The following SAMD5 variants were observed in gnomAD, a reference collection of about 807,000 sequenced individuals.
SAMD5 encodes the protein sterile alpha motif domain containing 5.
SAMD5 carries 13 observed loss-of-function variants against 11.3 expected under a neutral mutation model. The ratio of observed to expected loss-of-function variants is 1.15; its 90% confidence interval spans 0.75 to 1.83. The LOEUF (loss-of-function observed/expected upper bound fraction) is 1.83. SAMD5 is among the 40% of genes most tolerant of loss of function. SAMD5 has a pLI of 0.00. For missense variants in SAMD5, 255 were observed against 239.1 expected (o/e 1.07, Z -0.44); for synonymous variants, 129 against 111.3 (o/e 1.16, Z -1.00).
At chr6:147,627,499 T>C (rs890103573) in intron 1 of SAMD5, among the ~76,000 whole-genome samples, 7 of 152,154 alleles carry the variant, frequency 4.6e-5, no homozygotes, top group African/African-American at 1.4e-4. Flanking sequence ...AGAAGGAATA[T>C]TTCTATTGCA....
chr6:147,653,578 A>G (rs1289444450), intron 1 of SAMD5, among the ~76,000 whole-genome samples: 2 of 152,250 alleles, frequency 1.3e-5, no homozygotes, highest in African/African-American at 4.8e-5. Context: ...AAGATCTGGT[A>G]AAATGGATTC....
intron 1 of SAMD5, among the ~76,000 whole-genome samples, chr6:147,580,541 G>C (rs1789281697): frequency 6.6e-6 from 1 of 152,166 alleles, no homozygotes; most frequent in South Asian, 2.1e-4. Context: ...GTTCTATTCT[G>C]CGCTGGTCAC....
chr6:147,689,300 A>G (rs17200154), intron 1 of SAMD5, among the ~76,000 whole-genome samples: 17,462 of 152,256 alleles, frequency 0.11, 1,102 homozygotes, highest in Middle Eastern at 0.16. Flanking sequence ...ATTTACCATT[A>G]CAGTTATTCT....
At chr6:147,914,581 T>C in the SAMD5 span, among the ~76,000 whole-genome samples, 1 of 152,200 alleles carries the variant, frequency 6.6e-6, no homozygotes, top group African/African-American at 2.4e-5. Context: ...GTCAGCCTTT[T>C]GCAGCCATCA....
At chr6:147,773,809 T>C in the SAMD5 span, among the ~76,000 whole-genome samples, 1 of 152,140 alleles carries the variant, frequency 6.6e-6, no homozygotes, top group East Asian at 1.9e-4. Flanking sequence ...CCCAATGTGT[T>C]CTCAGGTGGT....
chr6:147,613,682 G>C (rs1052756586), intron 1 of SAMD5, among the ~76,000 whole-genome samples: 1 of 151,470 alleles, frequency 6.6e-6, no homozygotes, highest in African/African-American at 2.4e-5. Flanking sequence ...CAGAGAATGA[G>C]ATTGAGAGAA....
chr6:147,932,784 C>G, the SAMD5 span, among the ~76,000 whole-genome samples: 9 of 152,204 alleles, frequency 5.9e-5, no homozygotes, highest in African/African-American at 2.2e-4. Flanking sequence ...AACACTCAGG[C>G]AGAGTCTGCT....
At chr6:147,606,978 A>AC (rs1554236462) in intron 1 of SAMD5, among the ~76,000 whole-genome samples, 10 of 148,154 alleles carry the variant, frequency 6.7e-5, no homozygotes, top group African/African-American at 2.6e-4. Context: ...AAAAAAAAAA[A>AC]CAGAAAGAGA....
intron 1 of SAMD5, among the ~76,000 whole-genome samples, chr6:147,702,933 G>C (rs929687492): frequency 2.6e-5 from 4 of 152,074 alleles, no homozygotes; most frequent in African/African-American, 9.7e-5. Flanking sequence ...CTGTTCTCTT[G>C]GGCCAAATGT....
chr6:147,806,477 T>G, the SAMD5 span, among the ~76,000 whole-genome samples: 1 of 152,264 alleles, frequency 6.6e-6, no homozygotes, highest in Non-Finnish European at 1.5e-5. Context: ...TTTGAGTCAT[T>G]GCCACGGTTT....
intron 1 of SAMD5, among the ~76,000 whole-genome samples, chr6:147,582,424 G>A (rs755612713): frequency 1.9e-4 from 29 of 152,032 alleles, no homozygotes; most frequent in Admixed American, 7.9e-4. Context: ...TCTCTGTGCC[G>A]GCTTTGCCAA....
At chr6:147,621,728 G>T (rs1789971946) in intron 1 of SAMD5, among the ~76,000 whole-genome samples, 1 of 152,182 alleles carries the variant, frequency 6.6e-6, no homozygotes, top group Non-Finnish European at 1.5e-5. Flanking sequence ...CCTCCCTTCT[G>T]TGGGTGCTGT....
At chr6:147,932,589 TG>T in the SAMD5 span, among the ~76,000 whole-genome samples, 35 of 1,070 alleles carry the variant, frequency 0.033, no homozygotes, top group African/African-American at 0.14. Context: ...CTTACAGAAT[TG>T]TGTGTGTGTG....
intron 1 of SAMD5, among the ~76,000 whole-genome samples, chr6:147,546,603 C>T (rs1788691713): frequency 6.6e-6 from 1 of 151,730 alleles, no homozygotes; most frequent in Non-Finnish European, 1.5e-5. Context: ...GACCAGAGCT[C>T]CATCAAGTGG....
chr6:147,749,084 A>AT, the SAMD5 span, among the ~76,000 whole-genome samples: 1 of 151,808 alleles, frequency 6.6e-6, no homozygotes, highest in Admixed American at 6.6e-5. Flanking sequence ...CTTGAGATGT[A>AT]TTTCTTTGGC....
intron 1 of SAMD5, among the ~76,000 whole-genome samples, chr6:147,560,612 G>A (rs1028378594): frequency 1.3e-5 from 2 of 152,130 alleles, no homozygotes; most frequent in African/African-American, 4.8e-5. Context: ...ATATCACTCT[G>A]ATTGCCTTTA....
the SAMD5 span, among the ~76,000 whole-genome samples, chr6:147,896,750 A>AC: frequency 0.012 from 1,374 of 115,682 alleles, 12 homozygotes; most frequent in Admixed American, 0.024. Flanking sequence ...AAAAAAAAAA[A>AC]AAAAAAAAAA....
At chr6:147,750,876 C>T in the SAMD5 span, among the ~76,000 whole-genome samples, 1 of 152,162 alleles carries the variant, frequency 6.6e-6, no homozygotes, top group African/African-American at 2.4e-5. Flanking sequence ...GAGCTGAGAT[C>T]GGGCCACTGC....
At chr6:147,639,474 CTG>C (rs1170905608) in intron 1 of SAMD5, among the ~76,000 whole-genome samples, 1 of 152,196 alleles carries the variant, frequency 6.6e-6, no homozygotes, top group East Asian at 1.9e-4. Flanking sequence ...GTAAGAAAGA[CTG>C]TAGCTGCAGC....
Sources: allele counts gnomAD v4.1 joint callset (sites outside exome capture counted in the v4.1 genomes callset), GRCh38; gene constraint gnomAD v4.1.1; transcripts MANE v1.5; gene names NCBI Gene and HGNC (gene_info 2026-07-23, HGNC 2026-07-21).